ATF7: variants seen among roughly 807,000 people sequenced by gnomAD.
The protein encoded by ATF7 is cyclic AMP-dependent transcription factor ATF-7.
ATF7 carries 10 observed loss-of-function variants against 50.4 expected under a neutral mutation model. That is an observed-to-expected ratio of 0.20 (90% CI 0.12 to 0.34). The LOEUF (loss-of-function observed/expected upper bound fraction) is 0.34, where lower values mean the gene tolerates loss of function less well. Among genes scored for constraint, ATF7 ranks in the 10% least tolerant of loss-of-function variants. The pLI is 1.00. For missense variants in ATF7, 465 were observed against 613.9 expected, an observed-to-expected ratio of 0.76 and a Z score of 2.56; for synonymous variants, 201 against 226.4, an observed-to-expected ratio of 0.89 and a Z score of 1.01.
intron 1 of ATF7, among the ~76,000 whole-genome samples, chr12:53,610,464 G>A (rs1173743311): frequency 6.6e-6 from 1 of 151,588 alleles, no homozygotes; most frequent in South Asian, 2.1e-4. Context: ...ACTTGGGAGG[G>A]TGAGGTGGGA....
intron 9 of ATF7, 115 bp downstream of exon 9, chr12:53,531,629 G>C: frequency 8.3e-7 from 1 of 1,200,692 alleles, no homozygotes. Flanking sequence ...AAAGTAAGCA[G>C]GAAGAAACCC....
chr12:53,609,757 G>A (rs1472971849), intron 1 of ATF7, among the ~76,000 whole-genome samples: 1 of 150,778 alleles, frequency 6.6e-6, no homozygotes, highest in Non-Finnish European at 1.5e-5. Flanking sequence ...AAAAGGATAT[G>A]CTGAAAGCAT....
chr12:53,625,764 T>C (rs1439773078), intron 1 of ATF7, among the ~76,000 whole-genome samples: 1 of 152,078 alleles, frequency 6.6e-6, no homozygotes, highest in African/African-American at 2.4e-5. Context: ...ATTACCCTTT[T>C]CCAATTCCAA....
intron 2 of ATF7, among the ~76,000 whole-genome samples, chr12:53,587,910 G>A (rs1448594630): frequency 1.4e-5 from 2 of 144,046 alleles, no homozygotes; most frequent in African/African-American, 5.1e-5. Flanking sequence ...GCAATGGCAC[G>A]ATCTAAGCTC....
intron 2 of ATF7, among the ~76,000 whole-genome samples, chr12:53,559,556 G>A (rs181783976): frequency 1.3e-5 from 2 of 151,892 alleles, no homozygotes; most frequent in East Asian, 1.9e-4. Flanking sequence ...GCGCGTGCCT[G>A]TAGTCCCAGC....
intron 2 of ATF7, among the ~76,000 whole-genome samples, chr12:53,595,816 A>G (rs1943127929): frequency 6.6e-6 from 1 of 152,178 alleles, no homozygotes; most frequent in Non-Finnish European, 1.5e-5. Flanking sequence ...CAGGCCCCAG[A>G]GGTCTATGAG....
At chr12:53,526,426 T>C (rs545347717) in intron 9 of ATF7, among the ~76,000 whole-genome samples, 19 of 149,052 alleles carry the variant, frequency 1.3e-4, no homozygotes, top group African/African-American at 4.1e-4. Flanking sequence ...CTCTTCCTTA[T>C]GATTTTCTTA....
At chr12:53,517,489 C>A in intron 11 of ATF7, 135 bp from the exon 12 acceptor site, 1 of 845,768 alleles carries the variant, frequency 1.2e-6, no homozygotes, top group African/African-American at 1.7e-5. Context: ...TTGGGGAAAA[C>A]TTCCCAGAAT....
chr12:53,545,996 C>T (rs1216853651), intron 3 of ATF7, among the ~76,000 whole-genome samples: 2 of 152,072 alleles, frequency 1.3e-5, no homozygotes, highest in African/African-American at 2.4e-5. Context: ...AGTTTGAGAC[C>T]AGCCTGACCA....
chr12:53,568,415 TTCTC>T (rs539738712), intron 2 of ATF7, among the ~76,000 whole-genome samples: 399 of 151,358 alleles, frequency 2.6e-3, no homozygotes, highest in African/African-American at 9.3e-3. Flanking sequence ...CTCTCTCTCT[TTCTC>T]TCTCTCTCCT....
chr12:53,533,039 C>T (rs1314115861), intron 7 of ATF7, 121 bp downstream of exon 7: 5 of 858,004 alleles, frequency 5.8e-6, no homozygotes, highest in Non-Finnish European at 9.2e-6. Context: ...GGCTGCCATG[C>T]TCAGCTAATA....
At chr12:53,571,686 CA>C (rs1941773767) in intron 2 of ATF7, among the ~76,000 whole-genome samples, 2 of 150,386 alleles carry the variant, frequency 1.3e-5, no homozygotes, top group Non-Finnish European at 3.0e-5. Flanking sequence ...ACTGAAATAT[CA>C]CCACCACAAC....
chr12:53,598,362 C>T (rs894615352), intron 2 of ATF7, among the ~76,000 whole-genome samples: 2 of 152,128 alleles, frequency 1.3e-5, no homozygotes, highest in Non-Finnish European at 2.9e-5. Context: ...ACCTTTGTAT[C>T]CTTTTTCTAT....
intron 3 of ATF7, among the ~76,000 whole-genome samples, chr12:53,549,876 G>GC (rs531552044): frequency 3.9e-4 from 60 of 152,204 alleles, no homozygotes; most frequent in African/African-American, 1.4e-3. Flanking sequence ...GAGCCAACAT[G>GC]CCCGGCTAAT....
chr12:53,509,200 G>T (rs538604537), downstream of ATF7, among the ~76,000 whole-genome samples: 1 of 152,048 alleles, frequency 6.6e-6, no homozygotes, highest in Non-Finnish European at 1.5e-5. Context: ...TACAAGGAAC[G>T]CCTTCCTAGG....
intron 2 of ATF7, among the ~76,000 whole-genome samples, chr12:53,577,533 A>G (rs1339127364): frequency 3.9e-5 from 6 of 151,918 alleles, no homozygotes; most frequent in Non-Finnish European, 7.4e-5. Context: ...TGGCTAACAC[A>G]GTGAAACCCC....
chr12:53,534,725 G>T, intron 5 of ATF7, 66 bp from the exon 6 acceptor site: 1 of 1,511,058 alleles, frequency 6.6e-7, no homozygotes, highest in East Asian at 2.3e-5. Context: ...ATATATAGAT[G>T]GTAAAATCTA....
intron 2 of ATF7, chr12:53,600,670 T>A: frequency 3.6e-6 from 1 of 278,808 alleles, no homozygotes; most frequent in Non-Finnish European, 6.8e-6. Context: ...TGTATTTAGA[T>A]GGACAGCTTT....
At chr12:53,606,567 T>C (rs1037738030) in intron 1 of ATF7, among the ~76,000 whole-genome samples, 5 of 151,896 alleles carry the variant, frequency 3.3e-5, no homozygotes, top group Admixed American at 3.3e-4. Context: ...TTTTTTTAAA[T>C]TTTAATATTA....
Sources: allele counts gnomAD v4.1 joint callset (sites outside exome capture counted in the v4.1 genomes callset), GRCh38; gene constraint gnomAD v4.1.1; transcripts MANE v1.5; gene names NCBI Gene and HGNC (gene_info 2026-07-23, HGNC 2026-07-21).